Variants in SPC25 observed in about 807,000 individuals in gnomAD.
SPC25 encodes SPC25 component of NDC80 kinetochore complex, also known as kinetochore protein Spc25.
A neutral mutation model predicts 29.6 loss-of-function variants in SPC25; 22 were observed. The observed-to-expected ratio is 0.74, with a 90% CI of 0.53 to 1.06. SPC25 has a LOEUF of 1.06. Among genes scored for constraint, SPC25 ranks in the 50% least tolerant of loss-of-function variants. SPC25 has a pLI of 0.00. For synonymous variants in SPC25, 91 were observed against 90.4 expected, an observed-to-expected ratio of 1.01 and a Z score of -0.04; for missense variants, 230 against 255.8, an observed-to-expected ratio of 0.90 and a Z score of 0.69.
chr2:168,889,315 A>G (rs1221271616), intron 2 of SPC25, 24 bp from the exon 3 acceptor site: 4 of 1,613,656 alleles, frequency 2.5e-6, no homozygotes, highest in South Asian at 1.1e-5. Flanking sequence ...TGAACTTTCA[A>G]TTCAGCTGCA....
intron 5 of SPC25, among the ~76,000 whole-genome samples, chr2:168,875,553 T>A (rs1040854267): frequency 6.6e-6 from 1 of 152,120 alleles, no homozygotes; most frequent in African/African-American, 2.4e-5. Flanking sequence ...TCTCACAATA[T>A]CTTATTGTAC....
At chr2:168,887,628 T>G (rs765655033) in intron 3 of SPC25, among the ~76,000 whole-genome samples, 1 of 152,102 alleles carries the variant, frequency 6.6e-6, no homozygotes, top group Non-Finnish European at 1.5e-5. Context: ...TAAAACATGG[T>G]GCCTTTAAAC....
chr2:168,869,293 G>T (rs922594817), downstream of SPC25, among the ~76,000 whole-genome samples: 1 of 152,104 alleles, frequency 6.6e-6, no homozygotes, highest in African/African-American at 2.4e-5. Context: ...TTGAAAACCG[G>T]CACAAGACAG....
chr2:168,885,845 T>TA (rs1282968754), intron 3 of SPC25, among the ~76,000 whole-genome samples: 5 of 152,158 alleles, frequency 3.3e-5, no homozygotes, highest in African/African-American at 1.2e-4. Context: ...TATTTTGTCA[T>TA]AAAAAAGCAG....
At chr2:168,865,392 A>AGAGCCT in intron 4 of SPC25, 1 of 157,956 alleles carries the variant, frequency 6.3e-6, no homozygotes, top group East Asian at 1.9e-4. Context: ...GGGGTCAAGC[A>AGAGCCT]GAGCCTGGGA....
At chr2:168,874,588 G>T (rs1431164753) in intron 5 of SPC25, among the ~76,000 whole-genome samples, 3 of 152,076 alleles carry the variant, frequency 2.0e-5, no homozygotes, top group African/African-American at 7.2e-5. Context: ...TTCACTAGGA[G>T]AACTCATAGG....
At chr2:168,877,161 A>G (rs145546890) in intron 4 of SPC25, 77 bp downstream of exon 4, 3 of 1,496,852 alleles carry the variant, frequency 2.0e-6, no homozygotes, top group African/African-American at 2.8e-5. Flanking sequence ...GAACTGGAAC[A>G]GGCAAGATGT....
intron 4 of SPC25, chr2:168,863,493 A>G: frequency 1.0e-6 from 1 of 985,418 alleles, no homozygotes; most frequent in Non-Finnish European, 1.2e-6. Flanking sequence ...AAGGGGGCAG[A>G]TCTTTCTACT....
intron 4 of SPC25, chr2:168,864,776 C>T (rs990196601): frequency 1.8e-5 from 28 of 1,588,166 alleles, no homozygotes; most frequent in Admixed American, 3.5e-5. Context: ...TCTTATCAAT[C>T]GGGCTGAGGC....
chr2:168,866,637 T>TAAACTA (rs1242443231), downstream of SPC25, among the ~76,000 whole-genome samples: 5 of 152,074 alleles, frequency 3.3e-5, no homozygotes, highest in African/African-American at 1.2e-4. Context: ...GGGATCTAAT[T>TAAACTA]AAACTAAAGA....
downstream of SPC25, among the ~76,000 whole-genome samples, chr2:168,869,447 T>C (rs1266647002): frequency 2.0e-5 from 3 of 152,170 alleles, no homozygotes; most frequent in Admixed American, 6.5e-5. Flanking sequence ...TGATTGTATA[T>C]CTAGAAAACC....
chr2:168,862,163 C>A, intron 4 of SPC25: 3 of 861,484 alleles, frequency 3.5e-6, no homozygotes, highest in South Asian at 3.2e-5. Context: ...CAAATCAGTT[C>A]ACCCTTCTTG....
downstream of SPC25, among the ~76,000 whole-genome samples, chr2:168,867,904 T>C (rs1479090656): frequency 1.3e-5 from 2 of 152,194 alleles, no homozygotes; most frequent in African/African-American, 2.4e-5. Context: ...AATATACATT[T>C]TTTTCAGCAC....
intron 4 of SPC25, chr2:168,861,992 T>A: frequency 6.2e-7 from 1 of 1,614,220 alleles, no homozygotes; most frequent in Middle Eastern, 1.6e-4. Flanking sequence ...CAGCAGACTT[T>A]GCAAGGCCTT....
At position 168,871,506 on chromosome 2, in the gene SPC25, A is replaced by T; in HGVS notation, c.600T>A (p.Asn200Lys). 6.2e-7 allele frequency: 1 copy of T among 1,609,960 alleles called. No individual in the cohort carries two copies. The highest frequency in any genetic ancestry group is 1.1e-5 in the South Asian group (1 of 89,776). The change falls in exon 7 of 7, where the codon AAT (asparagine) becomes AAA (lysine). Residue 200 changes from asparagine (N) to lysine (K), a missense_variant. Transcript: ENST00000282074. ...HLEGLAEFQE[N>K]VRKTNNFSAF... ...CTGAAAAATTGTTGGTCTTCCTTAC[A>T]TTCTCTTGAAATTCTGCTAGGCCCT...
chr2:168,864,435 G>A (rs192459913), intron 4 of SPC25, among the ~76,000 whole-genome samples: 60 of 151,992 alleles, frequency 3.9e-4, no homozygotes, highest in African/African-American at 1.2e-3. Context: ...ACAGGCGTGC[G>A]CCACCACACC....
chr2:168,886,080 G>T (rs1239810985), intron 3 of SPC25, among the ~76,000 whole-genome samples: 7 of 131,208 alleles, frequency 5.3e-5, no homozygotes, highest in East Asian at 2.2e-4. Context: ...TGGAGACAGG[G>T]TCTCACTCTG....
chr2:168,889,054 T>TAC (rs1478661241), intron 3 of SPC25, among the ~76,000 whole-genome samples, 172 bp downstream of exon 3: 1,273 of 101,840 alleles, frequency 0.013, 67 homozygotes, highest in African/African-American at 0.044. Flanking sequence ...TACACATATA[T>TAC]ATACATATAT....
chr2:168,890,321 C>T lies in SPC25; in HGVS notation c.-18G>A. 2.0e-6 allele frequency: 2 copies of T among 985,494 alleles called. No homozygotes were observed. Among genetic ancestry groups the T allele is most frequent in the Non-Finnish European group, 2.4e-6 (2 of 829,960 alleles). The allele number at this position is 985,494 out of a possible 1,614,324, so 61.0% of individuals were successfully genotyped here. The stretch of plus-strand genomic sequence containing the variant: ...GCTCGGCGCCCAACTCCCTTACCTT[C>T]GCAGGCAGGCCTGAGTCCCGCCGCC... On this transcript the variant is annotated 5_prime_UTR_variant, in exon 1 of 7. Coordinates refer to ENST00000282074, the MANE Select transcript of SPC25 (RefSeq NM_020675.4).
Sources: gnomAD v4.1 joint callset for allele counts (sites outside exome capture counted in the v4.1 genomes callset) on GRCh38, gnomAD v4.1.1 for gene constraint, MANE v1.5 for transcripts, NCBI Gene and HGNC (gene_info 2026-07-23, HGNC 2026-07-21) for gene names.